The following ITPR1 variants were observed in gnomAD, a reference collection of about 807,000 sequenced individuals.
The protein encoded by ITPR1 is inositol 1,4,5-trisphosphate-gated calcium channel ITPR1.
Under a neutral mutation model 318.4 loss-of-function variants are expected in ITPR1, and 96 were observed. The ratio of observed to expected loss-of-function variants is 0.30; its 90% confidence interval spans 0.26 to 0.36. The LOEUF (loss-of-function observed/expected upper bound fraction) is 0.36. Among genes scored for constraint, ITPR1 ranks in the 10% least tolerant of loss-of-function variants. The pLI is 1.00. For missense variants in ITPR1, 2,440 were observed against 3,460.2 expected (o/e 0.71, Z 7.40); for synonymous variants, 1,312 against 1,289.9 (o/e 1.02, Z -0.37).
chr3:4,633,285 T>TAG (rs1289653333), intron 5 of ITPR1, among the ~76,000 whole-genome samples: 1 of 152,204 alleles, frequency 6.6e-6, no homozygotes, highest in African/African-American at 2.4e-5. Context: ...GTTCCTACTT[T>TAG]CCTACTTAGC....
At chr3:4,822,163 G>C (rs1335231109) in intron 60 of ITPR1, among the ~76,000 whole-genome samples, 1 of 152,154 alleles carries the variant, frequency 6.6e-6, no homozygotes, top group East Asian at 1.9e-4. Context: ...ACATCCGTTG[G>C]GTGGTAGACA....
At chr3:4,713,724 G>C (rs951722082) in intron 39 of ITPR1, among the ~76,000 whole-genome samples, 7 of 152,234 alleles carry the variant, frequency 4.6e-5, no homozygotes, top group Non-Finnish European at 1.0e-4. Flanking sequence ...TTATATCACA[G>C]TTTTGTAGAG....
intron 44 of ITPR1, among the ~76,000 whole-genome samples, chr3:4,763,892 G>A (rs1339842386): frequency 6.6e-6 from 1 of 152,226 alleles, no homozygotes; most frequent in East Asian, 1.9e-4. Context: ...GATAACAGAT[G>A]GCGGGCTTTA....
At chr3:4,810,683 C>T (rs1432381540) in intron 55 of ITPR1, among the ~76,000 whole-genome samples, 1 of 152,180 alleles carries the variant, frequency 6.6e-6, no homozygotes, top group Non-Finnish European at 1.5e-5. Flanking sequence ...TTCTTCATAA[C>T]AACTCTACAT....
intron 60 of ITPR1, among the ~76,000 whole-genome samples, chr3:4,821,211 G>A (rs1422474504): frequency 6.6e-6 from 1 of 152,230 alleles, no homozygotes; most frequent in Non-Finnish European, 1.5e-5. Flanking sequence ...TTTGATACAG[G>A]CTCTTTTAGG....
intron 2 of ITPR1, among the ~76,000 whole-genome samples, chr3:4,499,160 A>T (rs931654530): frequency 2.1e-4 from 32 of 152,298 alleles, no homozygotes; most frequent in East Asian, 9.6e-4. Flanking sequence ...TGTTAAAAAA[A>T]TTTTTTTAAG....
chr3:4,810,455 G>T (rs576334854), intron 55 of ITPR1, among the ~76,000 whole-genome samples: 1 of 152,324 alleles, frequency 6.6e-6, no homozygotes. Flanking sequence ...GCAAAGAGCA[G>T]GTTCCTTAGC....
intron 4 of ITPR1, among the ~76,000 whole-genome samples, chr3:4,581,985 A>T (rs1240834480): frequency 6.6e-6 from 1 of 151,764 alleles, no homozygotes; most frequent in Non-Finnish European, 1.5e-5. Flanking sequence ...AAATAAACAG[A>T]TCACAGGTTA....
At chr3:4,798,904 A>G (rs565136690) in intron 53 of ITPR1, among the ~76,000 whole-genome samples, 10 of 152,318 alleles carry the variant, frequency 6.6e-5, no homozygotes, top group Admixed American at 3.9e-4. Flanking sequence ...GACTGACACT[A>G]TTAGATCAGT....
rs1575407516 is a variant in ITPR1 at position 4,523,762 on chromosome 3, A to G, written c.163+2668A>G. On this transcript the variant is annotated intron_variant, in intron 4 of 61. Coordinates refer to ENST00000649015, the MANE Select transcript of ITPR1 (RefSeq NM_001378452.1). ...CACAAATGAACCAGGGACTGTTTGA[A>G]TACAGGGTTAGAATGTTAAAAATAA... Among the ~76,000 whole-genome samples the G allele has an allele frequency of 2.0e-5, 3 of 152,214 alleles. No individual in the cohort carries two copies. The South Asian group carries it at 6.2e-4, about 32-fold the overall frequency.
At chr3:4,648,639 G>A (rs898373229) in intron 10 of ITPR1, among the ~76,000 whole-genome samples, 1 of 152,084 alleles carries the variant, frequency 6.6e-6, no homozygotes, top group African/African-American at 2.4e-5. Context: ...GTGAAACCCT[G>A]TCTCTACTAA....
rs559025282 is a variant in ITPR1, at chr3:4,759,925, A to ACCCTGC, written c.5545-6590_5545-6585dup. Among the ~76,000 whole-genome samples the ACCCTGC allele has an allele frequency of 1.1e-3, 167 of 152,208 alleles. 1 individual carries two copies. The highest frequency in any genetic ancestry group is 3.8e-3 in the African/African-American group (158 of 41,550). Reference sequence around the variant, plus strand: ...CAGCCACTGCCGGGGTCACTGCCTCACCCTGCCCCTGCCCCTGCCCTGGCC... The same window carrying ACCCTGC: ...CAGCCACTGCCGGGGTCACTGCCTCACCCTGCCCCTGCCCCTGCCCCTGCCCTGGCC... On this transcript the variant is annotated intron_variant, in intron 44 of 61. Transcript: ENST00000649015.
At chr3:4,526,405 G>A (rs140467938) in intron 4 of ITPR1, among the ~76,000 whole-genome samples, 1 of 152,326 alleles carries the variant, frequency 6.6e-6, no homozygotes, top group African/African-American at 2.4e-5. Context: ...TTGGTTTCAA[G>A]CATCATAGTC....
intron 16 of ITPR1, 140 bp from the exon 17 acceptor site, chr3:4,664,998 T>A: frequency 1.3e-6 from 1 of 799,134 alleles, no homozygotes; most frequent in Non-Finnish European, 2.1e-6. Flanking sequence ...CTGAATGCAG[T>A]GTTCAGGTTA....
intron 48 of ITPR1, among the ~76,000 whole-genome samples, chr3:4,778,334 T>C (rs1025634028): frequency 2.0e-5 from 3 of 152,240 alleles, no homozygotes; most frequent in Admixed American, 6.5e-5. Context: ...ATTTGTCCTC[T>C]ATCTGCCCAT....
intron 52 of ITPR1, among the ~76,000 whole-genome samples, chr3:4,791,420 C>A (rs912778521): frequency 6.6e-6 from 1 of 152,162 alleles, no homozygotes; most frequent in Non-Finnish European, 1.5e-5. Flanking sequence ...AGTGTGCAGC[C>A]TCCTAGATCC....
intron 4 of ITPR1, among the ~76,000 whole-genome samples, chr3:4,610,777 G>A (rs1415262226): frequency 1.3e-5 from 2 of 151,944 alleles, no homozygotes; most frequent in Non-Finnish European, 2.9e-5. Context: ...GCCCAGCTAT[G>A]GCCTCCTTTC....
chr3:4,566,257 C>G (rs1255477096), intron 4 of ITPR1, among the ~76,000 whole-genome samples: 8 of 152,142 alleles, frequency 5.3e-5, no homozygotes, highest in Non-Finnish European at 1.2e-4. Flanking sequence ...TTGGATAGAT[C>G]TTCTAAGAGC....
intron 4 of ITPR1, among the ~76,000 whole-genome samples, chr3:4,609,067 T>TATATATATAC (rs1553643448): frequency 2.3e-5 from 2 of 87,182 alleles, no homozygotes; most frequent in African/African-American, 9.4e-5. Context: ...TATATATATA[T>TATATATATAC]ATATATATAT....
Sources: gnomAD v4.1 joint callset for allele counts (sites outside exome capture counted in the v4.1 genomes callset) on GRCh38, gnomAD v4.1.1 for gene constraint, MANE v1.5 for transcripts, NCBI Gene and HGNC (gene_info 2026-07-23, HGNC 2026-07-21) for gene names.